The following TASOR2 variants were observed in gnomAD, a reference collection of about 807,000 sequenced individuals.
TASOR2 encodes the protein protein TASOR 2.
Under a neutral mutation model 199.5 loss-of-function variants are expected in TASOR2, and 84 were observed. The observed-to-expected ratio is 0.42, with a 90% CI of 0.35 to 0.50. The LOEUF is 0.50. Among genes scored for constraint, TASOR2 ranks in the 20% least tolerant of loss-of-function variants. The pLI, the probability that TASOR2 is intolerant of heterozygous loss-of-function variation, is 0.02. For missense variants in TASOR2, 2,796 were observed against 2,835.9 expected (o/e 0.99, Z 0.32); for synonymous variants, 1,103 against 1,046.6 (o/e 1.05, Z -1.04).
At position 5,692,638 on chromosome 10, in the gene TASOR2, C is replaced by T. The variant is rs572797077; in HGVS notation, c.-288+7463C>T. On this transcript the variant is annotated intron_variant, in intron 1 of 20. Coordinates refer to ENST00000328090, the Ensembl canonical transcript of TASOR2. ...GGTCTACGGAGTGTGCGGGGATCTC[C>T]CAGCCCTGTTGGCTGTACGGGCTCA... Among the ~76,000 whole-genome samples the T allele has an allele frequency of 7.2e-5, 11 of 152,212 alleles. No homozygotes were observed. The South Asian group carries it at 1.2e-3, about 17-fold the overall frequency.
chr10:5,748,388 C>G lies in TASOR2; in HGVS notation c.4967C>G (p.Pro1656Arg), dbSNP rs1311353253. The G allele has an allele frequency of 6.2e-7, 1 of 1,614,220 alleles. No homozygotes were observed. The highest frequency in any genetic ancestry group is 2.2e-5 in the East Asian group (1 of 44,888). Residue 1656 changes from proline (P) to arginine (R), a missense_variant, in exon 15 of 21, where the codon CCC becomes CGC. Pro to Arg is a moderately radical substitution (Grantham distance 103). This residue lies in a region of TASOR2 where 1,941 missense variants were observed against 1,924.9 expected (regional missense o/e 1.01). Coordinates refer to ENST00000328090, the Ensembl canonical transcript of TASOR2. The surrounding 1 kb of genome is among the most constrained non-coding windows in gnomAD (Gnocchi z 5.1). ...CAGGGATGCATGTGCTCAGTGGTCC[C>G]CACGCTTTGTTCTTCCTCAGACAAT...
intron 15 of TASOR2, among the ~76,000 whole-genome samples, chr10:5,756,220 C>T (rs1211382501): frequency 6.6e-6 from 1 of 152,048 alleles, no homozygotes; most frequent in Non-Finnish European, 1.5e-5. Context: ...AAATCAGTCC[C>T]CTTTAATGGT....
intron 12 of TASOR2, among the ~76,000 whole-genome samples, chr10:5,736,459 G>A (rs920588154): frequency 2.6e-5 from 4 of 151,526 alleles, no homozygotes; most frequent in African/African-American, 9.7e-5. Flanking sequence ...TCACCATGTT[G>A]CCTAGGCTGG....
Position 5,750,092 on chromosome 10 carries a change from T to A in TASOR2, c.6606+65T>A. The A allele has an allele frequency of 6.8e-7, 1 of 1,473,816 alleles. No individual in the cohort carries two copies. The allele number at this position is 1,473,816 out of a possible 1,614,324, so 91.3% of individuals were successfully genotyped here. A position where few individuals can be genotyped will look rare whatever the true frequency, so the allele number is the denominator to read the frequency against. On this transcript the variant is annotated intron_variant, in intron 15 of 20. Transcript: ENST00000328090. The surrounding 1 kb of genome is among the most constrained non-coding windows in gnomAD (Gnocchi z 5.4). ...TGATTTTAGTTTTAGAAATAATAAA[T>A]TTAGCATATTAGCCATCAAAAAGAA...
intron 12 of TASOR2, 125 bp downstream of exon 13, chr10:5,735,671 G>C: frequency 8.1e-7 from 1 of 1,231,532 alleles, no homozygotes; most frequent in Non-Finnish European, 1.1e-6. Flanking sequence ...GTGTTTTTCA[G>C]TTCAGACATT....
intron 1 of TASOR2, chr10:5,709,543 A>G (rs904860034): frequency 1.0e-4 from 129 of 1,230,696 alleles, no homozygotes; most frequent in Non-Finnish European, 1.2e-4. Flanking sequence ...TTATGACATT[A>G]ACAGAGAACA....
At chr10:5,727,035 C>G (rs777693331) in intron 9 of TASOR2, 26 bp from the exon 11 acceptor site, 59 of 1,613,776 alleles carry the variant, frequency 3.7e-5, no homozygotes, top group Non-Finnish European at 4.8e-5. Flanking sequence ...CCTAACTTTT[C>G]TTCTTCTGAT....
chr10:5,731,723 A>G (rs1286618919), intron 11 of TASOR2, among the ~76,000 whole-genome samples: 1 of 152,340 alleles, frequency 6.6e-6, no homozygotes, highest in South Asian at 2.1e-4. Flanking sequence ...AAGATACCTC[A>G]AAAGCCTACC....
intron 12 of TASOR2, among the ~76,000 whole-genome samples, chr10:5,735,975 TTTTA>T (rs1323564125): frequency 6.6e-6 from 1 of 152,138 alleles, no homozygotes; most frequent in Non-Finnish European, 1.5e-5. Context: ...CTGTATTTAG[TTTTA>T]TTTATTTAGA....
At chr10:5,745,488 T>C (rs1490813080) in intron 14 of TASOR2, among the ~76,000 whole-genome samples, 2 of 152,116 alleles carry the variant, frequency 1.3e-5, no homozygotes, top group African/African-American at 4.8e-5. Context: ...TTTTTAAAAA[T>C]TATCTTTTAG....
At position 5,757,680 on chromosome 10, in the gene TASOR2, CTTTAT is replaced by C. The variant is rs753305895; in HGVS notation, c.6886+11_6886+15del. On this transcript the variant is annotated splice_region_variant and intron_variant, in intron 17 of 20. Transcript: ENST00000328090. ...CTAGAAGCTGTAACATTAGGTTGGT[CTTTAT>C]TTTCTTTTCCTGTTTCTTTGAAGTC... 147 of 1,611,482 alleles carry C rather than the reference CTTTAT, an allele frequency of 9.1e-5. No individual in the cohort carries two copies. The highest frequency in any genetic ancestry group is 8.3e-4 in the Middle Eastern group (5 of 6,052).
At chr10:5,709,014 T>C (rs1402110275) in intron 1 of TASOR2, among the ~76,000 whole-genome samples, 1 of 152,188 alleles carries the variant, frequency 6.6e-6, no homozygotes, top group Non-Finnish European at 1.5e-5. Flanking sequence ...ATCTGAACTT[T>C]TTTAATGTAG....
At chr10:5,726,707 T>C (rs1834098143) in intron 8 of TASOR2, 178 bp from the exon 10 acceptor site, 1 of 604,374 alleles carries the variant, frequency 1.7e-6, no homozygotes. Context: ...AGGGCCAAGA[T>C]TATTTCAGCT....
At chr10:5,760,088 CTA>C (rs1378323811) in intron 18 of TASOR2, among the ~76,000 whole-genome samples, 2 of 152,184 alleles carry the variant, frequency 1.3e-5, no homozygotes, top group Non-Finnish European at 2.9e-5. Context: ...ACGATTTTGT[CTA>C]TGTGCAGACA....
chr10:5,716,648 C>T (rs1832688205), intron 2 of TASOR2, among the ~76,000 whole-genome samples: 2 of 152,024 alleles, frequency 1.3e-5, no homozygotes, highest in Admixed American at 1.3e-4. Flanking sequence ...GGTACGGTGG[C>T]TCATGCCTGT....
At chr10:5,695,483 A>G (rs545479189) in intron 1 of TASOR2, among the ~76,000 whole-genome samples, 2 of 152,332 alleles carry the variant, frequency 1.3e-5, no homozygotes, top group South Asian at 4.1e-4. Flanking sequence ...TGGTGGGTGC[A>G]TTAGTAAAAT....
chr10:5,749,670 A>G (rs569825552), exon 15 of TASOR2: 3 of 1,614,216 alleles, frequency 1.9e-6, no homozygotes, highest in African/African-American at 2.7e-5. Flanking sequence ...GAAATTCTCA[A>G]AGAAATCACA....
chr10:5,742,517 C>T lies in TASOR2; in HGVS notation c.2748C>T (p.Tyr916=). 5 of 1,612,560 alleles carry T rather than the reference C, an allele frequency of 3.1e-6. No homozygotes were observed. Among genetic ancestry groups the T allele is most frequent in the East Asian group, 2.2e-5 (1 of 44,880 alleles). Residue 916 remains tyrosine (Y), a synonymous_variant, in exon 14 of 21, where the codon TAC becomes TAT. Transcript: ENST00000328090. The surrounding 1 kb of genome is among the most constrained non-coding windows in gnomAD (Gnocchi z 4.2). ...AAGACCAGAATTTCATCTGTTCTTA[C>T]AATAATGAGGTATGTAAAGCTGAAT...
At chr10:5,739,593 C>CTTTTTTTTTT (rs369547597) in intron 12 of TASOR2, 25 bp from the exon 14 acceptor site, 3 of 1,422,952 alleles carry the variant, frequency 2.1e-6, no homozygotes, top group Admixed American at 2.0e-5. Context: ...AAACATCTCT[C>CTTTTTTTTTT]TTTTTTTTTT....
Sources: allele counts gnomAD v4.1 joint callset (sites outside exome capture counted in the v4.1 genomes callset), GRCh38; gene constraint gnomAD v4.1.1; regional missense constraint gnomAD v4.1.1; non-coding constraint Gnocchi (gnomAD v3.1); transcripts MANE v1.5; gene names NCBI Gene and HGNC (gene_info 2026-07-23, HGNC 2026-07-21).